Variants in PLA2G4B observed in about 807,000 individuals in gnomAD.
PLA2G4B encodes phospholipase A2 group IVB, also known as cytosolic phospholipase A2 beta.
In PLA2G4B, 122 loss-of-function variants were observed where a neutral mutation model predicts 95.8. The observed-to-expected ratio is 1.27, with a 90% confidence interval of 1.10 to 1.48. The LOEUF is 1.48. Ranked by LOEUF, PLA2G4B falls within the 40% of genes most tolerant of loss-of-function variation. The pLI is 0.00. For missense variants in PLA2G4B, 1,158 were observed against 996.2 expected (o/e 1.16, Z -2.19); for synonymous variants, 518 against 421.5 (o/e 1.23, Z -2.80).
At chr15:41,845,106 A>C in intron 13 of PLA2G4B, 36 bp downstream of exon 13, 1 of 1,599,856 alleles carries the variant, frequency 6.3e-7, no homozygotes, top group Non-Finnish European at 8.5e-7. Context: ...GAGCCAGGGC[A>C]AGGGCTGGAG....
rs377545444 is a variant in PLA2G4B, at chr15:41,842,621, G to T, written c.743+30G>T. 77 of 1,606,180 alleles carry T rather than the reference G, an allele frequency of 4.8e-5. No individual in the cohort carries two copies. The Admixed American group carries it at 6.7e-4, about 14-fold the overall frequency. ...GAGGCCTGGCTGGGGACTGGGCAAG[G>T]CCCTGGAAAACAACCAGGGTGCGGG... is the stretch of plus-strand genomic sequence containing the variant. On this transcript the variant is annotated intron_variant, in intron 10 of 19. Transcript: ENST00000458483.
Position 41,844,552 on chromosome 15 carries a change from G to C in PLA2G4B, c.961G>C (p.Glu321Gln). The C allele has an allele frequency of 1.9e-6, 3 of 1,614,222 alleles. No individual in the cohort carries two copies. In the African/African-American group the frequency reaches 4.0e-5, roughly 22 times the overall value. Reference protein sequence around the residue: ...SLYGQLAGLKELGLLDCVSYI... With the variant: ...SLYGQLAGLKQLGLLDCVSYI... ...GTATGGGCAGCTGGCTGGCCTGAAG[G>C]AGCTGGGCCTCTTGGATTGCGTCTC... The change falls in exon 12 of 20, where the codon GAG becomes CAG. Residue 321 changes from glutamate (E) to glutamine (Q), a missense_variant. Coordinates refer to ENST00000458483, the MANE Select transcript of PLA2G4B (RefSeq NM_001114633.2).
intron 17 of PLA2G4B, 120 bp downstream of exon 17, chr15:41,846,502 A>G: frequency 1.3e-6 from 2 of 1,506,080 alleles, no homozygotes; most frequent in Admixed American, 2.1e-5. Flanking sequence ...GACTACTTGG[A>G]ACAGGGGTCT....
chr15:41,844,503 T>G lies in PLA2G4B; in HGVS notation c.912T>G (p.Gly304=). ...TGGTAGCTATTATGGCCACTGGTGG[T>G]GGGATCCGGGCAATGACTTCCCTGT... ...IPVVAIMATG[G]GIRAMTSLYG... Residue 304 remains glycine, a synonymous_variant, in exon 12 of 20, where the codon GGT becomes GGG. Transcript: ENST00000458483. 6.2e-7 allele frequency: 1 copy of G among 1,614,128 alleles called. No individual in the cohort carries two copies. The highest frequency in any genetic ancestry group is 8.5e-7 in the Non-Finnish European group (1 of 1,179,994).
chr15:41,846,454 G>GTCCA, intron 17 of PLA2G4B, 72 bp downstream of exon 17: 1 of 1,548,980 alleles, frequency 6.5e-7, no homozygotes, highest in Non-Finnish European at 8.8e-7. Flanking sequence ...ACCCCTCACA[G>GTCCA]TCCACTCCCA....
At chr15:41,842,476 G>C in intron 9 of PLA2G4B, 78 bp from the exon 10 acceptor site, 1 of 1,577,128 alleles carries the variant, frequency 6.3e-7, no homozygotes, top group Non-Finnish European at 8.6e-7. Context: ...GGGGTGGTGC[G>C]CCGGGGATCA....
intron 4 of PLA2G4B, 40 bp downstream of exon 4, chr15:41,840,945 G>A (rs748148766): frequency 3.1e-6 from 5 of 1,602,020 alleles, no homozygotes; most frequent in South Asian, 1.1e-5. Context: ...CTGGTGTCTG[G>A]GTTGAAATCT....
Position 41,845,218 on chromosome 15 carries a change from C to G in PLA2G4B, c.1255C>G (p.Leu419Val), listed in dbSNP as rs147304303. ...CTTTCCCCAGCCCCATGATCACAAGCTCTCAGATCAACGGGAGGCCCTGAG... is the reference window on the plus strand; with the variant it reads ...CTTTCCCCAGCCCCATGATCACAAGGTCTCAGATCAACGGGAGGCCCTGAG... Reference protein sequence around the residue: ...LLHDEPHDHKLSDQREALSHG... With the variant: ...LLHDEPHDHKVSDQREALSHG... Residue 419 changes from leucine to valine, a missense_variant, in exon 14 of 20, where the codon CTC becomes GTC. Leu to Val is a conservative substitution (Grantham distance 32). Coordinates refer to ENST00000458483, the MANE Select transcript of PLA2G4B (RefSeq NM_001114633.2). 3.2e-5 allele frequency: 52 copies of G among 1,614,080 alleles called. No homozygotes were observed. In the African/African-American group the frequency reaches 6.1e-4, roughly 19 times the overall value.
chr15:41,838,907 C>A lies in PLA2G4B; in HGVS notation c.-7C>A. 1 of 1,596,326 alleles carries A rather than the reference C, an allele frequency of 6.3e-7. No individual in the cohort carries two copies. The highest frequency in any genetic ancestry group is 1.3e-5 in the African/African-American group (1 of 74,748). On this transcript the variant is annotated 5_prime_UTR_variant, in exon 1 of 20. Transcript: ENST00000458483. Reference sequence around the variant, plus strand: ...CCCATCATTCCTGCTCCTGAGGACTCAGTCTCATGGCTGTGGTAAGGCCTG... The same window carrying A: ...CCCATCATTCCTGCTCCTGAGGACTAAGTCTCATGGCTGTGGTAAGGCCTG...
chr15:41,841,946 G>T lies in PLA2G4B; in HGVS notation c.618G>T (p.Leu206=). 1 of 1,611,216 alleles carries T rather than the reference G, an allele frequency of 6.2e-7. No homozygotes were observed. The highest frequency in any genetic ancestry group is 8.5e-7 in the Non-Finnish European group (1 of 1,179,406). The change falls in exon 8 of 20, where the codon CTG becomes CTT. Residue 206 remains leucine, a synonymous_variant. Transcript: ENST00000458483. ...ACWEQELSIR[L]QDAPEEQLKA... ...GGGAGCAGGAGCTGAGTATTCGCCT[G>T]CAGGTAGTGTGCCTCGCTCCCTCGA...
chr15:41,840,194 G>C lies in PLA2G4B; in HGVS notation c.46G>C (p.Val16Leu). 9.9e-6 allele frequency: 16 copies of C among 1,613,304 alleles called. No homozygotes were observed. The highest frequency in any genetic ancestry group is 1.4e-5 in the Non-Finnish European group (16 of 1,180,014). Reference sequence around the variant, plus strand: ...CAGGACCTGCCTGCTCACGGTTCGTGTCCTGCAGGCCCATCGCCTACCCTC... The same window carrying C: ...CAGGACCTGCCTGCTCACGGTTCGTCTCCTGCAGGCCCATCGCCTACCCTC... ...VSRTCLLTVRVLQAHRLPSKD... is the reference protein window; with the variant it reads ...VSRTCLLTVRLLQAHRLPSKD... The change falls in exon 2 of 20, where the codon GTC becomes CTC. Residue 16 changes from valine (V) to leucine (L), a missense_variant. Physicochemically the swap from Val to Leu is conservative, Grantham distance 32 (BLOSUM62 1). Coordinates refer to ENST00000458483, the MANE Select transcript of PLA2G4B (RefSeq NM_001114633.2).
In PLA2G4B at chr15:41,846,689, C is replaced by T; in HGVS notation, c.1801C>T (p.Pro601Ser). The T allele has an allele frequency of 6.2e-7, 1 of 1,612,002 alleles. No homozygotes were observed. Residue 601 changes from proline (P) to serine (S), a missense_variant, in exon 18 of 20, where the codon CCC (proline) becomes TCC (serine). By Grantham distance (74) the Pro-to-Ser change is moderately conservative. Transcript: ENST00000458483. Reference sequence around the variant, plus strand: ...TCCAGCTACCACTCTGGATGGGCTCCCCAACCAGCTGACACCCTCGGAGCC... The same window carrying T: ...TCCAGCTACCACTCTGGATGGGCTCTCCAACCAGCTGACACCCTCGGAGCC... ...TWKATTLDGL[P>S]NQLTPSEPHL... is the part of the protein sequence containing the mutation.
chr15:41,841,507 C>A lies in PLA2G4B; in HGVS notation c.436-10C>A, dbSNP rs1319392266. On this transcript the variant is annotated splice_polypyrimidine_tract_variant and intron_variant, in intron 6 of 19. Transcript: ENST00000458483. ...GGGTTAGTGTCTGAGGGGCTGTCTT[C>A]ATGACTCAGGCCCGGGAGCTCTCCT... is the stretch of plus-strand genomic sequence containing the variant. The A allele has an allele frequency of 3.1e-6, 5 of 1,614,080 alleles. No individual in the cohort carries two copies. Among genetic ancestry groups the A allele is most frequent in the Non-Finnish European group, 4.2e-6 (5 of 1,180,000 alleles).
chr15:41,845,815 G>C (rs376684743), intron 15 of PLA2G4B, 40 bp downstream of exon 15: 39 of 1,558,982 alleles, frequency 2.5e-5, no homozygotes, highest in Non-Finnish European at 3.4e-5. Context: ...GGGCCGAGCA[G>C]GGAAAATGGG....
At position 41,847,399 on chromosome 15, in the gene PLA2G4B, C is replaced by T. The variant is rs756517705; in HGVS notation, c.2010C>T (p.Pro670=). The change falls in exon 19 of 20, where the codon CCC becomes CCT. Residue 670 remains proline (P), a synonymous_variant. Transcript: ENST00000458483. ...GGATCCCGTTCCCACCCATCTCGCC[C>T]AGCCCCGAAGAGCAGCTCCAGCCTC... The part of the protein sequence containing the change: ...EQGIPFPPIS[P]SPEEQLQPRE... 3.7e-6 allele frequency: 6 copies of T among 1,612,866 alleles called. No homozygotes were observed. In the South Asian group the frequency reaches 5.5e-5, roughly 15 times the overall value.
At position 41,840,767 on chromosome 15, in the gene PLA2G4B, C is replaced by T. The variant is rs1453523406; in HGVS notation, c.220-7C>T. 13 of 1,613,240 alleles carry T rather than the reference C, an allele frequency of 8.1e-6. No individual in the cohort carries two copies. Among genetic ancestry groups the T allele is most frequent in the Admixed American group, 6.7e-5 (4 of 59,976 alleles). On this transcript the variant is annotated splice_region_variant and splice_polypyrimidine_tract_variant and intron_variant, in intron 3 of 19. Coordinates refer to ENST00000458483, the MANE Select transcript of PLA2G4B (RefSeq NM_001114633.2). ...TCCTGCAGCCCTGTCACTCTTTTCC[C>T]CTCCAGAATGTCATGGAACTGAAAG... is the stretch of plus-strand genomic sequence containing the variant.
rs777275995 is a variant in PLA2G4B at position 41,846,676 on chromosome 15, T to C, written c.1788T>C (p.Thr596=). Residue 596 remains threonine, a synonymous_variant, in exon 18 of 20, where the codon ACT becomes ACC. Coordinates refer to ENST00000458483, the MANE Select transcript of PLA2G4B (RefSeq NM_001114633.2). The stretch of plus-strand genomic sequence containing the variant: ...CTCTCCCCAACCTTCCAGCTACCAC[T>C]CTGGATGGGCTCCCCAACCAGCTGA... The part of the protein sequence containing the change: ...HPHFSTWKAT[T]LDGLPNQLTP... 2.5e-6 allele frequency: 4 copies of C among 1,609,678 alleles called. No homozygotes were observed. The South Asian group carries it at 3.3e-5, about 13-fold the overall frequency.
At chr15:41,844,433 C>T (rs761608433) in intron 11 of PLA2G4B, 38 bp from the exon 12 acceptor site, 1 of 1,613,808 alleles carries the variant, frequency 6.2e-7, no homozygotes, top group Non-Finnish European at 8.5e-7. Context: ...CTTCCCCATC[C>T]CTAGGGCCTC....
At chr15:41,846,939 T>C in intron 18 of PLA2G4B, 104 bp downstream of exon 18, 1 of 1,398,216 alleles carries the variant, frequency 7.2e-7, no homozygotes, top group Non-Finnish European at 9.6e-7. Flanking sequence ...CTTTAGGAGC[T>C]GTGATTGGGA....
Sources: gnomAD v4.1 joint callset for allele counts on GRCh38, gnomAD v4.1.1 for gene constraint, MANE v1.5 for transcripts, NCBI Gene and HGNC (gene_info 2026-07-23, HGNC 2026-07-21) for gene names.